FILIP1: variants seen among roughly 807,000 people sequenced by gnomAD.
The protein encoded by FILIP1 is filamin-A-interacting protein 1.
Under a neutral mutation model 102.1 loss-of-function variants are expected in FILIP1, and 61 were observed. That is an observed-to-expected ratio of 0.60 (90% CI 0.49 to 0.74). FILIP1 has a LOEUF of 0.74. FILIP1 is among the 30% of genes least tolerant of loss of function. The pLI, the probability that FILIP1 is intolerant of heterozygous loss-of-function variation, is 0.00. For missense variants in FILIP1, 1,314 were observed against 1,441.2 expected (o/e 0.91, Z 1.43); for synonymous variants, 491 against 526.9 (o/e 0.93, Z 0.93).
At chr6:75,445,885 A>G (rs1778429917) in intron 1 of FILIP1, among the ~76,000 whole-genome samples, 1 of 152,162 alleles carries the variant, frequency 6.6e-6, no homozygotes, top group Non-Finnish European at 1.5e-5. Flanking sequence ...CCTATTAACA[A>G]CAACAAACTA....
chr6:75,348,411 A>T (rs1774671031), intron 4 of FILIP1, among the ~76,000 whole-genome samples: 1 of 152,244 alleles, frequency 6.6e-6, no homozygotes, highest in South Asian at 2.1e-4. Context: ...AATTAAGCCA[A>T]AACATTTTAA....
downstream of FILIP1, among the ~76,000 whole-genome samples, chr6:75,306,965 G>A (rs1032249205): frequency 1.3e-5 from 2 of 152,104 alleles, no homozygotes; most frequent in African/African-American, 4.8e-5. Context: ...CCCACACTCG[G>A]CTAATTTTTG....
intron 4 of FILIP1, among the ~76,000 whole-genome samples, chr6:75,323,156 C>A (rs976707454): frequency 1.3e-5 from 2 of 151,706 alleles, no homozygotes; most frequent in Non-Finnish European, 2.9e-5. Flanking sequence ...ATTTTTTTTA[C>A]ATTTAATTAA....
intron 1 of FILIP1, among the ~76,000 whole-genome samples, chr6:75,441,026 G>A (rs540208933): frequency 1.0e-4 from 15 of 147,608 alleles, no homozygotes; most frequent in East Asian, 2.0e-4. Flanking sequence ...GGTGTTTCTC[G>A]CAGAGGGGGA....
At chr6:75,389,321 G>T (rs1776206476) in intron 2 of FILIP1, among the ~76,000 whole-genome samples, 1 of 152,164 alleles carries the variant, frequency 6.6e-6, no homozygotes, top group African/African-American at 2.4e-5. Context: ...AGGGATATTG[G>T]CCTGAAATGT....
At chr6:75,362,517 A>G (rs1254215282) in intron 3 of FILIP1, among the ~76,000 whole-genome samples, 1 of 152,234 alleles carries the variant, frequency 6.6e-6, no homozygotes, top group Non-Finnish European at 1.5e-5. Flanking sequence ...ACCACATGGA[A>G]AAATATATTT....
At chr6:75,322,800 T>G (rs189480519) in intron 4 of FILIP1, among the ~76,000 whole-genome samples, 2 of 152,216 alleles carry the variant, frequency 1.3e-5, no homozygotes, top group East Asian at 3.9e-4. Context: ...TTAAAATGAT[T>G]CTCCCACCTC....
chr6:75,439,171 C>T (rs183866406), intron 1 of FILIP1, among the ~76,000 whole-genome samples: 45 of 152,302 alleles, frequency 3.0e-4, no homozygotes, highest in Admixed American at 1.5e-3. Flanking sequence ...AGGAGACCAT[C>T]CTGGCTAACA....
chr6:75,445,185 T>G (rs150785673), intron 1 of FILIP1, among the ~76,000 whole-genome samples: 3 of 151,820 alleles, frequency 2.0e-5, no homozygotes, highest in Non-Finnish European at 4.4e-5. Context: ...GAAAAATATT[T>G]TCAACACAAA....
chr6:75,352,577 G>T (rs1386455272), intron 4 of FILIP1, among the ~76,000 whole-genome samples: 1 of 152,106 alleles, frequency 6.6e-6, no homozygotes, highest in Non-Finnish European at 1.5e-5. Flanking sequence ...AGTTGGTTTG[G>T]TTTGTTTTTT....
chr6:75,456,135 G>C (rs550816716), intron 1 of FILIP1, among the ~76,000 whole-genome samples: 4 of 152,164 alleles, frequency 2.6e-5, no homozygotes, highest in Non-Finnish European at 5.9e-5. Flanking sequence ...CTCAATCAGA[G>C]ATTTTCCTCC....
At chr6:75,299,618 A>G (rs1772780849) in intron 6 of FILIP1, among the ~76,000 whole-genome samples, 1 of 152,108 alleles carries the variant, frequency 6.6e-6, no homozygotes. Flanking sequence ...CTTAGAGACA[A>G]TTTCCCCTAT....
At chr6:75,355,599 C>T (rs1774966387) in intron 3 of FILIP1, among the ~76,000 whole-genome samples, 1 of 152,056 alleles carries the variant, frequency 6.6e-6, no homozygotes, top group South Asian at 2.1e-4. Context: ...GATGAGTTTT[C>T]ACCATGTTGG....
At position 75,313,972 on chromosome 6, in the gene FILIP1, C is replaced by T. The variant is rs1773322373; in HGVS notation, c.1860G>A (p.Glu620=). 6.3e-7 allele frequency: 1 copy of T among 1,589,994 alleles called. No individual in the cohort carries two copies. Among genetic ancestry groups the T allele is most frequent in the East Asian group, 2.2e-5 (1 of 44,686 alleles). Residue 620 remains glutamate, a synonymous_variant, in exon 5 of 6, where the codon GAG becomes GAA. Coordinates refer to ENST00000237172, the MANE Select transcript of FILIP1 (RefSeq NM_015687.5). This position sits in a 1 kb window ranked among gnomAD's most constrained non-coding sequence, Gnocchi z 4.2. The part of the protein sequence containing the change: ...ITRGRSRKGS[E]LTCPEDNKIK... ...TCTTATTATCTTCCGGGCAGGTGAG[C>T]TCAGACCCTTTTCGTGACCTTCCTC...
chr6:75,372,900 T>C (rs988420397), intron 2 of FILIP1, among the ~76,000 whole-genome samples: 2 of 152,108 alleles, frequency 1.3e-5, no homozygotes, highest in Admixed American at 6.5e-5. Context: ...GAAAATAGTA[T>C]GTCAGTTCCT....
At chr6:75,419,112 T>C (rs1287476468) in intron 1 of FILIP1, among the ~76,000 whole-genome samples, 1 of 152,120 alleles carries the variant, frequency 6.6e-6, no homozygotes, top group Non-Finnish European at 1.5e-5. Context: ...TAACAAGTAT[T>C]TCTAGAGCAT....
At chr6:75,436,827 A>G (rs1466193480) in intron 1 of FILIP1, among the ~76,000 whole-genome samples, 2 of 152,194 alleles carry the variant, frequency 1.3e-5, no homozygotes, top group African/African-American at 4.8e-5. Context: ...CTCCAGAAAA[A>G]ATAAAAATAA....
chr6:75,305,270 C>T (rs1772952989), downstream of FILIP1, among the ~76,000 whole-genome samples: 1 of 152,124 alleles, frequency 6.6e-6, no homozygotes, highest in African/African-American at 2.4e-5. Flanking sequence ...TCTATAACCC[C>T]ATGTTTTTCC....
chr6:75,435,300 G>A (rs575193300), intron 1 of FILIP1, among the ~76,000 whole-genome samples: 3 of 152,000 alleles, frequency 2.0e-5, no homozygotes, highest in African/African-American at 7.3e-5. Context: ...TTATATCATA[G>A]GTACAATATC....
Sources: allele counts gnomAD v4.1 joint callset (sites outside exome capture counted in the v4.1 genomes callset), GRCh38; gene constraint gnomAD v4.1.1; non-coding constraint Gnocchi (gnomAD v3.1); transcripts MANE v1.5; gene names NCBI Gene and HGNC (gene_info 2026-07-23, HGNC 2026-07-21).